R3HDM2: variants seen among roughly 807,000 people sequenced by gnomAD.
R3HDM2 encodes R3H domain containing 2.
In R3HDM2, 38 loss-of-function variants were observed where a neutral mutation model predicts 124.5. The observed-to-expected ratio is 0.31, with a 90% CI of 0.24 to 0.40. The LOEUF is 0.40. Ranked by LOEUF, R3HDM2 falls within the 10% of genes least tolerant of loss-of-function variation. The pLI is 1.00. For synonymous variants in R3HDM2, 391 were observed against 448.0 expected (o/e 0.87, Z 1.61); for missense variants, 869 against 1,236.9 (o/e 0.70, Z 4.46).
chr12:57,351,215 C>T (rs919586824), intron 2 of R3HDM2, among the ~76,000 whole-genome samples: 19 of 152,112 alleles, frequency 1.2e-4, no homozygotes, highest in Non-Finnish European at 7.4e-5. Context: ...TGGAGCAAGC[C>T]GTGATGGCAC....
At chr12:57,392,428 C>T (rs1294324998) in intron 2 of R3HDM2, among the ~76,000 whole-genome samples, 2 of 152,116 alleles carry the variant, frequency 1.3e-5, no homozygotes, top group Admixed American at 1.3e-4. Context: ...AGAGTTCACA[C>T]TCCTATGAGA....
intron 14 of R3HDM2, among the ~76,000 whole-genome samples, 173 bp downstream of exon 14, chr12:57,280,185 C>G (rs2045807602): frequency 6.6e-6 from 1 of 151,944 alleles, no homozygotes; most frequent in African/African-American, 2.4e-5. Flanking sequence ...TTGGCAAAAC[C>G]TTTGCTCAAG....
At chr12:57,369,321 G>T (rs2063031126) in intron 2 of R3HDM2, among the ~76,000 whole-genome samples, 1 of 152,184 alleles carries the variant, frequency 6.6e-6, no homozygotes, top group African/African-American at 2.4e-5. Context: ...GATGATATGT[G>T]ATTCTGGTTC....
intron 2 of R3HDM2, among the ~76,000 whole-genome samples, chr12:57,394,648 CAAT>C (rs1159660682): frequency 1.3e-5 from 2 of 152,090 alleles, no homozygotes; most frequent in Non-Finnish European, 2.9e-5. Context: ...GCTGGCCACT[CAAT>C]AACTGATATG....
intron 2 of R3HDM2, among the ~76,000 whole-genome samples, chr12:57,348,291 G>T (rs1423782688): frequency 6.6e-6 from 1 of 152,114 alleles, no homozygotes; most frequent in Non-Finnish European, 1.5e-5. Context: ...AAAAGGCCAG[G>T]TGTGGTGGCT....
At chr12:57,340,898 C>CA (rs528128527) in intron 2 of R3HDM2, among the ~76,000 whole-genome samples, 1,591 of 127,348 alleles carry the variant, frequency 0.012, 20 homozygotes, top group Non-Finnish European at 0.018. Flanking sequence ...ATACTCAATC[C>CA]AAAAAAAAAA....
intron 2 of R3HDM2, among the ~76,000 whole-genome samples, chr12:57,317,951 G>C (rs2055500768): frequency 6.8e-6 from 1 of 147,420 alleles, no homozygotes; most frequent in Non-Finnish European, 1.5e-5. Context: ...TTGCACTCCA[G>C]CCTGGGCAAC....
chr12:57,333,354 C>T (rs2058439707), intron 2 of R3HDM2, among the ~76,000 whole-genome samples: 1 of 152,088 alleles, frequency 6.6e-6, no homozygotes, highest in Non-Finnish European at 1.5e-5. Context: ...AAGAAAAAAG[C>T]TAATAATTTC....
chr12:57,399,209 C>T (rs543711703), intron 1 of R3HDM2, among the ~76,000 whole-genome samples: 1 of 152,150 alleles, frequency 6.6e-6, no homozygotes, highest in East Asian at 1.9e-4. Flanking sequence ...TGAGACCAGC[C>T]TGGCTGGCGT....
chr12:57,370,152 C>T (rs1014568839), intron 2 of R3HDM2, among the ~76,000 whole-genome samples: 8 of 152,056 alleles, frequency 5.3e-5, no homozygotes, highest in African/African-American at 9.7e-5. Context: ...TATTGGATCA[C>T]GGGGGCGGTT....
chr12:57,313,882 GAAAAAAAAAA>G (rs869177467), intron 2 of R3HDM2, among the ~76,000 whole-genome samples: 2 of 60,494 alleles, frequency 3.3e-5, no homozygotes, highest in Admixed American at 4.4e-4. Context: ...TCCTGTCTCT[GAAAAAAAAAA>G]AAAAAAAAAA....
chr12:57,288,239 C>T (rs1364371107), intron 12 of R3HDM2, among the ~76,000 whole-genome samples: 2 of 151,818 alleles, frequency 1.3e-5, no homozygotes, highest in Non-Finnish European at 2.9e-5. Flanking sequence ...CTCCTGACCT[C>T]GTGATCCACC....
chr12:57,367,278 C>T (rs903799751), intron 2 of R3HDM2, among the ~76,000 whole-genome samples: 2 of 152,178 alleles, frequency 1.3e-5, no homozygotes, highest in Non-Finnish European at 2.9e-5. Context: ...AAAGCTAAAG[C>T]ATCCATGACA....
At chr12:57,303,110 G>T (rs2051640616) in intron 4 of R3HDM2, 66 bp downstream of exon 4, 2 of 1,365,966 alleles carry the variant, frequency 1.5e-6, no homozygotes, top group Admixed American at 2.0e-5. Context: ...AGATATTCAT[G>T]ACAAGTCTAC....
chr12:57,269,495 C>G, intron 15 of R3HDM2, 46 bp from the exon 16 acceptor site: 2 of 1,604,630 alleles, frequency 1.2e-6, no homozygotes, highest in Non-Finnish European at 1.7e-6. Flanking sequence ...TAAAATTCAG[C>G]CGCAACATCA....
chr12:57,322,382 GTC>G (rs2056596091), intron 2 of R3HDM2, among the ~76,000 whole-genome samples: 1 of 152,190 alleles, frequency 6.6e-6, no homozygotes, highest in Non-Finnish European at 1.5e-5. Context: ...AAACAAAACA[GTC>G]TAGGTGCTCC....
At chr12:57,341,987 A>T (rs2059612297) in intron 2 of R3HDM2, among the ~76,000 whole-genome samples, 1 of 152,242 alleles carries the variant, frequency 6.6e-6, no homozygotes, top group Non-Finnish European at 1.5e-5. Flanking sequence ...GATAAAAAAC[A>T]GCAAATGAAA....
chr12:57,276,580 C>T (rs528050341), intron 14 of R3HDM2, among the ~76,000 whole-genome samples: 33 of 152,204 alleles, frequency 2.2e-4, no homozygotes, highest in African/African-American at 7.7e-4. Flanking sequence ...GCTATGAGGA[C>T]GCAAAGGCAT....
At position 57,268,419 on chromosome 12, in the gene R3HDM2, C is replaced by T. The variant is rs149171486; in HGVS notation, c.1914G>A (p.Pro638=). 3.6e-4 allele frequency: 586 copies of T among 1,614,052 alleles called. No homozygotes were observed. Among genetic ancestry groups the T allele is most frequent in the Admixed American group, 5.7e-4 (34 of 60,000 alleles). The part of the protein sequence containing the change: ...VGSDSQNVVQ[P]PFQQPMLVPV... ...GGACCAGCATGGGTTGCTGGAAAGG[C>T]GGCTGGACCACATTTTGCGAGTCAC... The change falls in exon 18 of 24, where the codon CCG becomes CCA. Residue 638 remains proline, a synonymous_variant. Transcript: ENST00000402412.
Sources: allele counts gnomAD v4.1 joint callset (sites outside exome capture counted in the v4.1 genomes callset), GRCh38; gene constraint gnomAD v4.1.1; transcripts MANE v1.5; gene names NCBI Gene and HGNC (gene_info 2026-07-23, HGNC 2026-07-21).